The following FAM81A variants were observed in gnomAD, a reference collection of about 807,000 sequenced individuals.
FAM81A encodes the protein protein FAM81A.
In FAM81A, 19 loss-of-function variants were observed where a neutral mutation model predicts 46.7. That is an observed-to-expected ratio of 0.41 (90% CI 0.28 to 0.60). The LOEUF (loss-of-function observed/expected upper bound fraction) is 0.60, where lower values mean the gene tolerates loss of function less well. Ranked by LOEUF, FAM81A falls within the 20% of genes least tolerant of loss-of-function variation. The pLI, the probability that FAM81A is intolerant of heterozygous loss-of-function variation, is 0.34. For synonymous variants in FAM81A, 183 were observed against 152.9 expected (o/e 1.20, Z -1.45); for missense variants, 377 against 453.5 (o/e 0.83, Z 1.53).
At chr15:59,497,757 C>T (rs2082049431) in intron 4 of FAM81A, among the ~76,000 whole-genome samples, 1 of 152,098 alleles carries the variant, frequency 6.6e-6, no homozygotes. Context: ...CATGGTGGCA[C>T]ATGCCTGTAG....
intron 3 of FAM81A, among the ~76,000 whole-genome samples, chr15:59,470,133 C>G (rs1201044279): frequency 6.6e-6 from 1 of 152,136 alleles, no homozygotes; most frequent in Non-Finnish European, 1.5e-5. Flanking sequence ...GTCTGGCTGC[C>G]GTTAACACTT....
chr15:59,494,126 A>G (rs1484243211), intron 4 of FAM81A, among the ~76,000 whole-genome samples: 1 of 152,230 alleles, frequency 6.6e-6, no homozygotes, highest in Admixed American at 6.5e-5. Flanking sequence ...TAGATACTCA[A>G]CATTCATCAT....
intron 2 of FAM81A, among the ~76,000 whole-genome samples, chr15:59,413,696 G>A (rs1374819119): frequency 1.3e-5 from 2 of 152,132 alleles, no homozygotes; most frequent in Non-Finnish European, 2.9e-5. Flanking sequence ...AGTGGCGGGA[G>A]GATAGCTTGA....
chr15:59,446,946 G>T (rs1390947936), intron 1 of FAM81A, among the ~76,000 whole-genome samples: 3 of 152,180 alleles, frequency 2.0e-5, no homozygotes, highest in Non-Finnish European at 4.4e-5. Context: ...AGCTGTAAAT[G>T]AGCAATTTAT....
At chr15:59,445,114 G>A (rs751451251) in intron 1 of FAM81A, 3 of 152,146 alleles carry the variant, frequency 2.0e-5, no homozygotes, top group Non-Finnish European at 2.9e-5. Context: ...TCAGATTTCC[G>A]GGTGGCGAGC....
intron 4 of FAM81A, among the ~76,000 whole-genome samples, chr15:59,498,303 T>C (rs1952277903): frequency 6.6e-6 from 1 of 152,240 alleles, no homozygotes; most frequent in Non-Finnish European, 1.5e-5. Flanking sequence ...TTGATGCTAT[T>C]GTAAATAGCA....
chr15:59,460,043 C>G lies in FAM81A; in HGVS notation c.131C>G (p.Thr44Ser), dbSNP rs2081532441. 13 of 1,613,950 alleles carry G rather than the reference C, an allele frequency of 8.1e-6. No individual in the cohort carries two copies. Among genetic ancestry groups the G allele is most frequent in the Non-Finnish European group, 1.1e-5 (13 of 1,179,886 alleles). The stretch of plus-strand genomic sequence containing the variant: ...AGGATCCTCTGCCATGAGAAAACCA[C>G]CGCCGCCCTCGTAGAGCACGCCTTT... ...EDRILCHEKT[T>S]AALVEHAFRI... is the part of the protein sequence containing the mutation. Residue 44 changes from threonine (T) to serine (S), a missense_variant, in exon 3 of 9, where the codon ACC (threonine) becomes AGC (serine). Physicochemically the swap from Thr to Ser is moderately conservative, Grantham distance 58. Coordinates refer to ENST00000288228, the MANE Select transcript of FAM81A (RefSeq NM_152450.3). This position sits in a 1 kb window ranked among gnomAD's most constrained non-coding sequence, Gnocchi z 4.4.
chr15:59,465,965 G>A (rs953350552), intron 3 of FAM81A, among the ~76,000 whole-genome samples: 1 of 152,122 alleles, frequency 6.6e-6, no homozygotes, highest in Admixed American at 6.6e-5. Context: ...CTGTCCTTGT[G>A]ATAGTTTGCT....
intron 3 of FAM81A, among the ~76,000 whole-genome samples, chr15:59,476,225 ATTT>A (rs778127240): frequency 7.1e-6 from 1 of 141,018 alleles, no homozygotes. Context: ...TTAACCTACA[ATTT>A]TTTTTTTTTT....
chr15:59,437,327 G>T (rs2081250146), upstream of FAM81A, among the ~76,000 whole-genome samples: 1 of 151,956 alleles, frequency 6.6e-6, no homozygotes, highest in African/African-American at 2.4e-5. Context: ...ATCTGCGAAG[G>T]AGGCACGAAC....
At chr15:59,417,584 G>T (rs1202883107) in intron 2 of FAM81A, among the ~76,000 whole-genome samples, 12 of 151,608 alleles carry the variant, frequency 7.9e-5, no homozygotes, top group Admixed American at 2.0e-4. Context: ...GCATAATGGT[G>T]CACGCCTGTA....
intron 2 of FAM81A, among the ~76,000 whole-genome samples, chr15:59,417,145 T>C (rs1341564916): frequency 1.3e-5 from 2 of 151,988 alleles, no homozygotes; most frequent in African/African-American, 4.8e-5. Flanking sequence ...AAATGAGGGA[T>C]GCTATAGATA....
chr15:59,426,867 A>G (rs1341830235), intron 2 of FAM81A, among the ~76,000 whole-genome samples: 3 of 152,176 alleles, frequency 2.0e-5, no homozygotes, highest in Admixed American at 6.5e-5. Context: ...CATTATAACT[A>G]TTGTTCACAG....
At chr15:59,503,917 G>A (rs1382481115) in intron 4 of FAM81A, among the ~76,000 whole-genome samples, 3 of 152,150 alleles carry the variant, frequency 2.0e-5, no homozygotes, top group Admixed American at 6.6e-5. Context: ...TAGTACTTGT[G>A]TTTCCAAGTG....
chr15:59,507,008 C>G (rs1320878260), intron 4 of FAM81A, among the ~76,000 whole-genome samples: 5 of 152,186 alleles, frequency 3.3e-5, no homozygotes, highest in African/African-American at 1.2e-4. Flanking sequence ...GGTTACATCT[C>G]TAGCCTTATT....
intron 3 of FAM81A, among the ~76,000 whole-genome samples, chr15:59,464,658 A>G (rs1291797810): frequency 6.6e-6 from 1 of 152,116 alleles, no homozygotes; most frequent in Non-Finnish European, 1.5e-5. Context: ...CATTTAAAAA[A>G]TTGGATATTT....
At chr15:59,481,237 A>G (rs749245050) in intron 3 of FAM81A, among the ~76,000 whole-genome samples, 5 of 152,096 alleles carry the variant, frequency 3.3e-5, no homozygotes, top group Non-Finnish European at 5.9e-5. Flanking sequence ...GGCTCAGGCA[A>G]TCCTCCTGCC....
chr15:59,437,309 G>A (rs1295248744), upstream of FAM81A, among the ~76,000 whole-genome samples: 1 of 151,874 alleles, frequency 6.6e-6, no homozygotes. Context: ...TGCTGGGTAA[G>A]TACCAGTATC....
Position 59,514,412 on chromosome 15 carries a change from T to G in FAM81A, c.774T>G (p.Val258=). 1.2e-6 allele frequency: 2 copies of G among 1,613,024 alleles called. No homozygotes were observed. Among genetic ancestry groups the G allele is most frequent in the Non-Finnish European group, 1.7e-6 (2 of 1,179,596 alleles). The change falls in exon 7 of 9, where the codon GTT becomes GTG. Residue 258 remains valine (V), a synonymous_variant. Transcript: ENST00000288228. ...AAATTGATCAGCTTTCCTTGATTGTTAAGGAAAACAGTGTAGGTATTGATG... is the reference window on the plus strand; with the variant it reads ...AAATTGATCAGCTTTCCTTGATTGTGAAGGAAAACAGTGTAGGTATTGATG... ...LQKIDQLSLI[V]KENSGASERD...
Sources: allele counts gnomAD v4.1 joint callset (sites outside exome capture counted in the v4.1 genomes callset), GRCh38; gene constraint gnomAD v4.1.1; non-coding constraint Gnocchi (gnomAD v3.1); transcripts MANE v1.5; gene names NCBI Gene and HGNC (gene_info 2026-07-23, HGNC 2026-07-21).